Variants in GALNT13 observed in about 807,000 individuals in gnomAD.
The protein encoded by GALNT13 is UDP-GalNAc:polypeptide N-acetylgalactosaminyltransferase 13.
A neutral mutation model predicts 64.2 loss-of-function variants in GALNT13; 28 were observed. That is an observed-to-expected ratio of 0.44 (90% CI 0.32 to 0.60). GALNT13 has a LOEUF of 0.60. Among genes scored for constraint, GALNT13 ranks in the 20% least tolerant of loss-of-function variants. The pLI, the probability that GALNT13 is intolerant of heterozygous loss-of-function variation, is 0.05. For missense variants in GALNT13, 577 were observed against 669.8 expected, an observed-to-expected ratio of 0.86 and a Z score of 1.53; for synonymous variants, 214 against 224.6, an observed-to-expected ratio of 0.95 and a Z score of 0.42.
the GALNT13 span, among the ~76,000 whole-genome samples, chr2:153,323,287 A>G: frequency 6.6e-6 from 1 of 152,054 alleles, no homozygotes; most frequent in African/African-American, 2.4e-5. Context: ...GGCCTCATAA[A>G]TGTCTCCTTT....
chr2:153,487,521 G>A, the GALNT13 span, among the ~76,000 whole-genome samples: 1 of 152,196 alleles, frequency 6.6e-6, no homozygotes, highest in East Asian at 1.9e-4. Flanking sequence ...ATAGATCTAA[G>A]GGACACAGTC....
chr2:153,632,694 TAAAG>T, the GALNT13 span, among the ~76,000 whole-genome samples: 4 of 152,148 alleles, frequency 2.6e-5, no homozygotes, highest in Admixed American at 6.6e-5. Flanking sequence ...TAATATGCAT[TAAAG>T]ATTTATCTGT....
the GALNT13 span, among the ~76,000 whole-genome samples, chr2:153,650,793 A>AT: frequency 8.6e-5 from 13 of 151,642 alleles, no homozygotes; most frequent in East Asian, 7.7e-4. Context: ...CCTCCAGCAA[A>AT]TTTTTTTTTA....
chr2:153,666,339 C>T, the GALNT13 span, among the ~76,000 whole-genome samples: 1 of 152,118 alleles, frequency 6.6e-6, no homozygotes, highest in Non-Finnish European at 1.5e-5. Flanking sequence ...CTTCCTGCAA[C>T]CAACAGCATG....
At chr2:153,839,035 T>C in the GALNT13 span, among the ~76,000 whole-genome samples, 1 of 151,948 alleles carries the variant, frequency 6.6e-6, no homozygotes, top group Non-Finnish European at 1.5e-5. Context: ...CATTTTGATA[T>C]AAATGGAATT....
intron 8 of GALNT13, among the ~76,000 whole-genome samples, chr2:154,278,853 A>C (rs1691801494): frequency 6.6e-6 from 1 of 152,130 alleles, no homozygotes; most frequent in African/African-American, 2.4e-5. Flanking sequence ...AAGAAGGAAA[A>C]ATCATAGTAA....
intron 2 of GALNT13, chr2:153,926,384 C>A (rs923982366): frequency 6.6e-6 from 1 of 151,742 alleles, no homozygotes; most frequent in Non-Finnish European, 1.5e-5. Context: ...TAAATATGGT[C>A]CTGATGGATT....
the GALNT13 span, among the ~76,000 whole-genome samples, chr2:153,775,887 T>G: frequency 1.3e-5 from 2 of 152,120 alleles, no homozygotes; most frequent in Non-Finnish European, 2.9e-5. Context: ...TGTTTGAAAT[T>G]TTATTCTTTC....
intron 10 of GALNT13, among the ~76,000 whole-genome samples, chr2:154,401,759 T>G (rs1351835384): frequency 6.6e-6 from 1 of 152,182 alleles, no homozygotes; most frequent in Non-Finnish European, 1.5e-5. Context: ...ATCCACCAAA[T>G]AAATTAAATT....
chr2:154,415,200 C>G (rs1462312849), intron 11 of GALNT13, among the ~76,000 whole-genome samples: 1 of 151,134 alleles, frequency 6.6e-6, no homozygotes, highest in Non-Finnish European at 1.5e-5. Flanking sequence ...ATTAACATAA[C>G]ATTTATAACA....
chr2:153,146,614 C>CT, the GALNT13 span, among the ~76,000 whole-genome samples: 12 of 151,990 alleles, frequency 7.9e-5, no homozygotes, highest in Admixed American at 7.2e-4. Flanking sequence ...GGCATCTGTT[C>CT]TTTCTGTCCC....
chr2:153,400,332 T>C, the GALNT13 span, among the ~76,000 whole-genome samples: 5 of 152,212 alleles, frequency 3.3e-5, no homozygotes, highest in African/African-American at 1.2e-4. Context: ...TTTGCCAGTA[T>C]TTTATTGAGG....
At chr2:153,132,360 T>C in the GALNT13 span, among the ~76,000 whole-genome samples, 4 of 152,268 alleles carry the variant, frequency 2.6e-5, no homozygotes, top group African/African-American at 9.6e-5. Flanking sequence ...TAATTCAAGT[T>C]TGAACTTTTG....
At chr2:153,222,312 G>GTA in the GALNT13 span, among the ~76,000 whole-genome samples, 1 of 98,268 alleles carries the variant, frequency 1.0e-5, no homozygotes, top group African/African-American at 3.9e-5. Flanking sequence ...CTGGCTGGGG[G>GTA]GGGGGGGGGG....
At chr2:153,215,096 C>A in the GALNT13 span, among the ~76,000 whole-genome samples, 1 of 152,058 alleles carries the variant, frequency 6.6e-6, no homozygotes, top group Non-Finnish European at 1.5e-5. Flanking sequence ...TTCTTCATAT[C>A]TTAACTATTT....
the GALNT13 span, among the ~76,000 whole-genome samples, chr2:153,120,482 C>T: frequency 3.3e-5 from 5 of 152,056 alleles, no homozygotes; most frequent in Non-Finnish European, 5.9e-5. Flanking sequence ...ACTTATGACC[C>T]TCAGGCATTT....
intron 4 of GALNT13, among the ~76,000 whole-genome samples, chr2:154,210,870 A>G (rs75302327): frequency 1.3e-5 from 2 of 152,166 alleles, no homozygotes; most frequent in Non-Finnish European, 2.9e-5. Flanking sequence ...TTTAGGGAGT[A>G]GATTTGATAG....
chr2:153,800,593 A>G, the GALNT13 span, among the ~76,000 whole-genome samples: 753 of 152,308 alleles, frequency 4.9e-3, 6 homozygotes, highest in African/African-American at 0.017. Context: ...CTGCAGCTAC[A>G]TTATCAATTA....
intron 4 of GALNT13, 51 bp downstream of exon 4, chr2:154,140,556 C>A: frequency 7.7e-7 from 1 of 1,294,792 alleles, no homozygotes; most frequent in Non-Finnish European, 1.1e-6. Context: ...CACCATATTT[C>A]AGAATCTCAG....
Sources: allele counts gnomAD v4.1 joint callset (sites outside exome capture counted in the v4.1 genomes callset), GRCh38; gene constraint gnomAD v4.1.1; transcripts MANE v1.5; gene names NCBI Gene and HGNC (gene_info 2026-07-23, HGNC 2026-07-21).